DOK6: variants seen among roughly 807,000 people sequenced by gnomAD.
The protein encoded by DOK6 is downstream of tyrosine kinase 6.
Under a neutral mutation model 44.0 loss-of-function variants are expected in DOK6, and 22 were observed. That is an observed-to-expected ratio of 0.50 (90% CI 0.36 to 0.71). DOK6 has a LOEUF of 0.71. Ranked by LOEUF, DOK6 falls within the 30% of genes least tolerant of loss-of-function variation. DOK6 has a pLI of 0.00. For missense variants in DOK6, 340 were observed against 416.4 expected, an observed-to-expected ratio of 0.82 and a Z score of 1.60; for synonymous variants, 166 against 145.5, an observed-to-expected ratio of 1.14 and a Z score of -1.01.
chr18:69,525,999 T>A (rs1190446823), intron 1 of DOK6, among the ~76,000 whole-genome samples: 2 of 152,102 alleles, frequency 1.3e-5, no homozygotes, highest in African/African-American at 4.8e-5. Flanking sequence ...TAAGCCAGTA[T>A]GTATATAAAT....
chr18:69,697,495 A>T (rs1986414263), intron 4 of DOK6, among the ~76,000 whole-genome samples: 1 of 152,146 alleles, frequency 6.6e-6, no homozygotes, highest in Non-Finnish European at 1.5e-5. Context: ...TCATACAGTT[A>T]TCAAATATTT....
Position 69,848,730 on chromosome 18 carries a change from AT to A in DOK6, c.*7349del, listed in dbSNP as rs1356552563. 6.6e-6 allele frequency: 1 copy of A among 152,194 alleles called. No homozygotes were observed. The highest frequency in any genetic ancestry group is 1.5e-5 in the Non-Finnish European group (1 of 68,024). 9.4% of individuals were successfully genotyped at this position (152,194 alleles called of 1,614,324 possible). ...ATAAACCTATTGTTAACAATGTCTT[AT>A]TCATAATTCTAAAAAATTTACAAAT... is the stretch of plus-strand genomic sequence containing the variant. On this transcript the variant is annotated 3_prime_UTR_variant, in exon 8 of 8. Transcript: ENST00000382713.
In DOK6 at chr18:69,842,545, G is replaced by A. The variant is rs565207411; in HGVS notation, c.*1162G>A. The A allele has an allele frequency of 1.6e-4, 24 of 152,292 alleles. No individual in the cohort carries two copies. Among genetic ancestry groups the A allele is most frequent in the African/African-American group, 5.5e-4 (23 of 41,552 alleles). 9.4% of individuals were successfully genotyped at this position (152,292 alleles called of 1,614,324 possible). On this transcript the variant is annotated 3_prime_UTR_variant, in exon 8 of 8. Transcript: ENST00000382713. Reference sequence around the variant, plus strand: ...GATGCTGTTCTCACACAACCACTGGGGGCTTGTAATTTACTGTGTAACCAG... The same window carrying A: ...GATGCTGTTCTCACACAACCACTGGAGGCTTGTAATTTACTGTGTAACCAG...
Position 69,458,288 on chromosome 18 carries a change from A to C in DOK6, c.66+56978A>C, listed in dbSNP as rs546869256. Among the ~76,000 whole-genome samples the C allele has an allele frequency of 7.9e-5, 12 of 152,376 alleles. No individual in the cohort carries two copies. The South Asian group carries it at 8.3e-4, about 11-fold the overall frequency. On this transcript the variant is annotated intron_variant, in intron 1 of 7. Coordinates refer to ENST00000382713, the MANE Select transcript of DOK6 (RefSeq NM_152721.6). ...GATTCACCACATAAAAAGAATTAAA[A>C]GCAAAAACATATATCATCTCAACAG...
chr18:69,808,683 A>T (rs1474523169), intron 7 of DOK6, among the ~76,000 whole-genome samples: 1 of 151,908 alleles, frequency 6.6e-6, no homozygotes, highest in Admixed American at 6.6e-5. Context: ...AAATTGGATA[A>T]CCTAGAAGAA....
intron 5 of DOK6, among the ~76,000 whole-genome samples, chr18:69,721,700 G>T (rs1978288911): frequency 6.8e-6 from 1 of 146,012 alleles, no homozygotes; most frequent in African/African-American, 2.5e-5. Flanking sequence ...TTTTTAAAAT[G>T]CAGTAGAAGC....
In DOK6 at chr18:69,821,582, T is replaced by C. The variant is rs897199809; in HGVS notation, c.857-19662T>C. 5.9e-5 allele frequency among the ~76,000 whole-genome samples: 9 copies of C among 152,290 alleles called. No individual in the cohort carries two copies. In the South Asian group the frequency reaches 1.7e-3, roughly 28 times the overall value. On this transcript the variant is annotated intron_variant, in intron 7 of 7. Transcript: ENST00000382713. ...GAGCAATTTTATGGGGCAGCAAATC[T>C]TTGAGAACAATTTTCTATATTCAGA...
intron 2 of DOK6, among the ~76,000 whole-genome samples, chr18:69,573,020 C>G (rs1599199710): frequency 6.6e-6 from 1 of 150,926 alleles, no homozygotes; most frequent in Middle Eastern, 3.4e-3. Flanking sequence ...GGTAACACAC[C>G]TGTAGGCCTA....
intron 7 of DOK6, among the ~76,000 whole-genome samples, chr18:69,803,056 A>C (rs942222705): frequency 5.3e-5 from 8 of 152,112 alleles, no homozygotes; most frequent in African/African-American, 1.9e-4. Flanking sequence ...GATAGATTGA[A>C]AGTCCATTAT....
chr18:69,627,108 C>T (rs191829564), intron 3 of DOK6, among the ~76,000 whole-genome samples: 2 of 152,246 alleles, frequency 1.3e-5, no homozygotes, highest in African/African-American at 4.8e-5. Flanking sequence ...GGAGTCCTGC[C>T]GAGTCATGGC....
At chr18:69,671,507 T>G (rs919234708) in intron 3 of DOK6, among the ~76,000 whole-genome samples, 4 of 152,222 alleles carry the variant, frequency 2.6e-5, no homozygotes, top group Non-Finnish European at 4.4e-5. Flanking sequence ...GAAGAGTTTA[T>G]GCAAAACCTT....
intron 5 of DOK6, among the ~76,000 whole-genome samples, chr18:69,705,774 T>G (rs149488761): frequency 3.9e-5 from 6 of 152,326 alleles, no homozygotes; most frequent in East Asian, 3.9e-4. Flanking sequence ...AATTTCTTTC[T>G]AAGAGCCTCT....
At chr18:69,421,616 G>A (rs747480282) in intron 1 of DOK6, among the ~76,000 whole-genome samples, 2 of 152,126 alleles carry the variant, frequency 1.3e-5, no homozygotes, top group African/African-American at 2.4e-5. Context: ...CACAATGAAG[G>A]AGTATCTTTA....
At chr18:69,731,971 C>T (rs909327104) in intron 5 of DOK6, among the ~76,000 whole-genome samples, 3 of 152,160 alleles carry the variant, frequency 2.0e-5, no homozygotes, top group Admixed American at 6.5e-5. Context: ...ACAAGTCTTC[C>T]ACCCAGGATA....
intron 2 of DOK6, among the ~76,000 whole-genome samples, chr18:69,587,413 C>T (rs1171888315): frequency 6.6e-6 from 1 of 152,238 alleles, no homozygotes; most frequent in South Asian, 2.1e-4. Context: ...CTCCTCGTCT[C>T]TTGTAAAGAC....
intron 7 of DOK6, chr18:69,831,337 G>A (rs558529768): frequency 6.6e-6 from 1 of 152,306 alleles, no homozygotes; most frequent in Admixed American, 6.5e-5. Flanking sequence ...TCTTTTCTTA[G>A]TCTACTGATT....
At chr18:69,807,882 A>C (rs879856488) in intron 7 of DOK6, among the ~76,000 whole-genome samples, 4 of 151,876 alleles carry the variant, frequency 2.6e-5, no homozygotes, top group Non-Finnish European at 5.9e-5. Flanking sequence ...CAATGGATAG[A>C]TCATCCAGAG....
intron 5 of DOK6, among the ~76,000 whole-genome samples, chr18:69,735,376 A>G (rs914347436): frequency 1.3e-5 from 2 of 152,370 alleles, no homozygotes; most frequent in East Asian, 1.9e-4. Context: ...GAAGACTCAC[A>G]AGACTCAGAA....
intron 1 of DOK6, among the ~76,000 whole-genome samples, chr18:69,510,085 T>G (rs140373396): frequency 6.6e-6 from 1 of 152,342 alleles, no homozygotes; most frequent in East Asian, 1.9e-4. Context: ...AGGAGACTAA[T>G]GCTCTAATTT....
Sources: allele counts gnomAD v4.1 joint callset (sites outside exome capture counted in the v4.1 genomes callset), GRCh38; gene constraint gnomAD v4.1.1; transcripts MANE v1.5; gene names NCBI Gene and HGNC (gene_info 2026-07-23, HGNC 2026-07-21).